Variants in ACADM observed in about 807,000 individuals in gnomAD.
ACADM encodes medium-chain specific acyl-CoA dehydrogenase, mitochondrial.
A neutral mutation model predicts 58.9 loss-of-function variants in ACADM; 49 were observed. The observed-to-expected ratio is 0.83, with a 90% CI of 0.66 to 1.06. ACADM has a LOEUF of 1.06. Among genes scored for constraint, ACADM ranks in the 50% least tolerant of loss-of-function variants. The pLI, the probability that ACADM is intolerant of heterozygous loss-of-function variation, is 0.00. For synonymous variants in ACADM, 160 were observed against 157.7 expected (o/e 1.01, Z -0.11); for missense variants, 496 against 507.0 (o/e 0.98, Z 0.21).
intron 1 of ACADM, among the ~76,000 whole-genome samples, chr1:75,725,926 A>G (rs569194967): frequency 1.3e-5 from 2 of 152,342 alleles, no homozygotes; most frequent in East Asian, 1.9e-4. Context: ...TTCAGCAATT[A>G]TAACTCCAGA....
At chr1:75,724,929 G>A (rs995637184) in intron 1 of ACADM, 112 bp downstream of exon 1, 4 of 1,182,790 alleles carry the variant, frequency 3.4e-6, no homozygotes, top group Non-Finnish European at 4.4e-6. Context: ...AAGTCGGGCT[G>A]AGGAAGGAGC....
chr1:75,739,915 T>G, intron 6 of ACADM, 65 bp from the exon 7 acceptor site: 2 of 1,236,616 alleles, frequency 1.6e-6, no homozygotes, highest in East Asian at 5.2e-5. Context: ...ACAATCCTGT[T>G]TCCAAACAGT....
intron 10 of ACADM, among the ~76,000 whole-genome samples, chr1:75,759,516 C>G (rs1463255003): frequency 6.6e-6 from 1 of 152,164 alleles, no homozygotes; most frequent in Non-Finnish European, 1.5e-5. Flanking sequence ...CACTTACTAT[C>G]CCTTATTGAA....
chr1:75,744,718 T>G lies in ACADM; in HGVS notation c.600-1088T>G. On this transcript the variant is annotated intron_variant, in intron 7 of 11. Coordinates refer to ENST00000370841, the MANE Select transcript of ACADM (RefSeq NM_000016.6). ...TCTCCCTAGAGGGCAGTTCCCCTTC[T>G]GGAAGGCAGAGAGCGAGTGGCTGAA... 3.9e-6 allele frequency: 3 copies of G among 763,834 alleles called. No homozygotes were observed. The Middle Eastern group carries it at 8.0e-4, about 204-fold the overall frequency. 47.3% of individuals were successfully genotyped at this position (763,834 alleles called of 1,614,324 possible).
chr1:75,740,149 T>C, intron 7 of ACADM, 39 bp downstream of exon 7: 2 of 1,558,846 alleles, frequency 1.3e-6, no homozygotes, highest in Non-Finnish European at 1.8e-6. Flanking sequence ...TTTTTCTTAA[T>C]TGTTTTATCT....
At chr1:75,757,713 C>A (rs1009961395) in intron 10 of ACADM, among the ~76,000 whole-genome samples, 15 of 152,150 alleles carry the variant, frequency 9.9e-5, no homozygotes, top group African/African-American at 3.4e-4. Context: ...TGGGTATATA[C>A]CCAAAGGATT....
At chr1:75,731,602 T>G (rs1647151448) in intron 2 of ACADM, among the ~76,000 whole-genome samples, 1 of 152,220 alleles carries the variant, frequency 6.6e-6, no homozygotes, top group African/African-American at 2.4e-5. Context: ...ATCCCTTATT[T>G]TATGTAAACA....
chr1:75,745,654 A>T, intron 7 of ACADM, 152 bp from the exon 8 acceptor site: 1 of 697,964 alleles, frequency 1.4e-6, no homozygotes, highest in Admixed American at 2.1e-5. Flanking sequence ...TAGGTACGTG[A>T]CTAGGCAAGT....
chr1:75,756,698 T>C (rs1239027389), intron 10 of ACADM, among the ~76,000 whole-genome samples: 2 of 152,132 alleles, frequency 1.3e-5, no homozygotes, highest in Non-Finnish European at 2.9e-5. Context: ...CTTCACAGAA[T>C]TGGAAAAAAC....
intron 5 of ACADM, 150 bp from the exon 6 acceptor site, chr1:75,734,641 A>G (rs992353333): frequency 1.6e-6 from 1 of 627,216 alleles, no homozygotes; most frequent in African/African-American, 1.8e-5. Context: ...TTATTTCCTC[A>G]TTCTAACTTA....
intron 2 of ACADM, among the ~76,000 whole-genome samples, chr1:75,730,142 G>A (rs1278079388): frequency 1.3e-5 from 2 of 152,058 alleles, no homozygotes; most frequent in Admixed American, 6.5e-5. Flanking sequence ...TGATCCACCC[G>A]TCTTGTCCTC....
chr1:75,729,243 T>TC (rs397778749), intron 2 of ACADM, among the ~76,000 whole-genome samples: 1 of 150,086 alleles, frequency 6.7e-6, no homozygotes, highest in Non-Finnish European at 1.5e-5. Context: ...TTTTTTTTTT[T>TC]CTTACCAGAA....
chr1:75,760,612 A>G (rs889447111), intron 10 of ACADM, among the ~76,000 whole-genome samples: 10 of 148,684 alleles, frequency 6.7e-5, no homozygotes, highest in Non-Finnish European at 1.0e-4. Flanking sequence ...GACATTTTAC[A>G]TAAAATAACC....
rs1452796281 is a variant in ACADM, at chr1:75,733,609, T to C, written c.368T>C (p.Ile123Thr). ...GGATGTACAGGGGTTCAGACTGCTA[T>C]TGAAGGAAATTCTTTGGGGGTAAGT... ...AYGCTGVQTA[I>T]EGNSLGQMPI... Residue 123 changes from isoleucine to threonine, a missense_variant, in exon 5 of 12, where the codon ATT (isoleucine) becomes ACT (threonine). By Grantham distance (89) the Ile-to-Thr change is moderately conservative. Transcript: ENST00000370841. The C allele has an allele frequency of 6.2e-7, 1 of 1,613,770 alleles. No homozygotes were observed.
At chr1:75,757,347 C>G (rs988628492) in intron 10 of ACADM, among the ~76,000 whole-genome samples, 1 of 152,030 alleles carries the variant, frequency 6.6e-6, no homozygotes, top group Non-Finnish European at 1.5e-5. Context: ...ACAATGAACT[C>G]AAACAAATTT....
At chr1:75,750,599 T>A in intron 10 of ACADM, 53 bp downstream of exon 10, 1 of 1,185,752 alleles carries the variant, frequency 8.4e-7, no homozygotes, top group South Asian at 1.3e-5. Flanking sequence ...CATTTTCATT[T>A]AATATTTAGA....
At chr1:75,759,656 CTTTTTTTTTT>C (rs34394777) in intron 10 of ACADM, among the ~76,000 whole-genome samples, 1 of 87,582 alleles carries the variant, frequency 1.1e-5, no homozygotes, top group African/African-American at 4.2e-5. Flanking sequence ...TAGCAACTTT[CTTTTTTTTTT>C]TTTTTTTTTT....
chr1:75,734,832 GAAGT>G lies in ACADM; in HGVS notation c.431_434del (p.Lys144IlefsTer5), dbSNP rs1057517356. ...TTGCTGGAAATGATCAACAAAAGAAGAAGTATTTGGGGAGAATGACTGAGGAGCC... is the reference window on the plus strand; with the variant it reads ...TTGCTGGAAATGATCAACAAAAGAAGATTTGGGGAGAATGACTGAGGAGCC... On this transcript the variant is annotated frameshift_variant, in exon 6 of 12. Transcript: ENST00000370841. LOFTEE classifies it high-confidence loss of function. The G allele has an allele frequency of 6.2e-7, 1 of 1,613,948 alleles. No individual in the cohort carries two copies. Among genetic ancestry groups the G allele is most frequent in the Non-Finnish European group, 8.5e-7 (1 of 1,179,906 alleles).
chr1:75,730,426 AAC>A (rs1434865533), intron 2 of ACADM, among the ~76,000 whole-genome samples: 2 of 152,198 alleles, frequency 1.3e-5, no homozygotes, highest in African/African-American at 2.4e-5. Flanking sequence ...TAATATCTAT[AAC>A]ACAGAATTTC....
Sources: allele counts gnomAD v4.1 joint callset (sites outside exome capture counted in the v4.1 genomes callset), GRCh38; gene constraint gnomAD v4.1.1; transcripts MANE v1.5; gene names NCBI Gene and HGNC (gene_info 2026-07-23, HGNC 2026-07-21).